The following MIA2 variants were observed in gnomAD, a reference collection of about 807,000 sequenced individuals.
The protein encoded by MIA2 is MIA SH3 domain ER export factor 2.
Under a neutral mutation model 167.8 loss-of-function variants are expected in MIA2, and 127 were observed. The ratio of observed to expected loss-of-function variants is 0.76; its 90% CI spans 0.66 to 0.88. The LOEUF is 0.88. Ranked by LOEUF, MIA2 falls within the 40% of genes least tolerant of loss-of-function variation. MIA2 has a pLI of 0.00. For synonymous variants in MIA2, 552 were observed against 541.9 expected, an observed-to-expected ratio of 1.02 and a Z score of -0.26; for missense variants, 1,690 against 1,624.7, an observed-to-expected ratio of 1.04 and a Z score of -0.69.
At chr14:39,275,898 G>A (rs1398190508) in intron 6 of MIA2, among the ~76,000 whole-genome samples, 2 of 152,164 alleles carry the variant, frequency 1.3e-5, no homozygotes, top group Admixed American at 1.3e-4. Context: ...ATGAAGTATA[G>A]ATAGTACCTT....
Position 39,350,517 on chromosome 14 carries a change from T to C in MIA2, c.*253T>C. 1 of 343,620 alleles carries C rather than the reference T, an allele frequency of 2.9e-6. No homozygotes were observed. Among genetic ancestry groups the C allele is most frequent in the Non-Finnish European group, 5.2e-6 (1 of 191,284 alleles). The allele number at this position is 343,620 out of a possible 1,614,324, so 21.3% of individuals were successfully genotyped here. On this transcript the variant is annotated 3_prime_UTR_variant, in exon 29 of 29. Transcript: ENST00000640607. ...TATATAAACAATAGTGGGAGTTTTA[T>C]ATATGTAATCTTTCAGGTGGGGAGG...
intron 23 of MIA2, among the ~76,000 whole-genome samples, chr14:39,358,962 A>T (rs1192231354): frequency 6.6e-6 from 1 of 152,098 alleles, no homozygotes; most frequent in Non-Finnish European, 1.5e-5. Context: ...GTCTGCCCCT[A>T]CTGGGGGATG....
downstream of MIA2, among the ~76,000 whole-genome samples, chr14:39,353,326 C>T (rs546836814): frequency 6.6e-6 from 1 of 152,196 alleles, no homozygotes; most frequent in African/African-American, 2.4e-5. Context: ...TAACCAACCT[C>T]TCTTCATGTT....
In MIA2 at chr14:39,265,862, C is replaced by A. The variant is rs113056324; in HGVS notation, c.1888-11072C>A. On this transcript the variant is annotated intron_variant, in intron 6 of 28. Transcript: ENST00000640607. ...TAATTTTAATACACAGTGTCTAACA[C>A]GTATGAAAGTTGTGTAATACCTTAT... 14 of 396,402 alleles carry A rather than the reference C, an allele frequency of 3.5e-5. 2 individuals are homozygous for A. The highest frequency in any genetic ancestry group is 2.6e-4 in the African/African-American group (12 of 45,908). 24.6% of individuals were successfully genotyped at this position (396,402 alleles called of 1,614,324 possible). A position where few individuals can be genotyped will look rare whatever the true frequency, so the allele number is the denominator to read the frequency against.
chr14:39,349,396 T>TG (rs1252153273), intron 28 of MIA2, among the ~76,000 whole-genome samples: 1 of 152,212 alleles, frequency 6.6e-6, no homozygotes, highest in Non-Finnish European at 1.5e-5. Flanking sequence ...GCAGTCCTAC[T>TG]TATTTAAAAC....
chr14:39,360,407 G>A (rs7148572), intron 23 of MIA2, among the ~76,000 whole-genome samples: 28,278 of 151,502 alleles, frequency 0.19, 2,667 homozygotes, highest in Middle Eastern at 0.28. Context: ...TTGGCCATTT[G>A]TATGTCTTTG....
At chr14:39,288,461 A>ATTTTT (rs1225086664) in intron 9 of MIA2, among the ~76,000 whole-genome samples, 2 of 19,890 alleles carry the variant, frequency 1.0e-4, no homozygotes, top group African/African-American at 1.3e-4. Context: ...ATATATATAT[A>ATTTTT]TATATATATA....
intron 13 of MIA2, among the ~76,000 whole-genome samples, chr14:39,298,443 A>ATATATATATATATATATATGTATGT (rs1372100362): frequency 1.0e-4 from 5 of 50,022 alleles, no homozygotes; most frequent in Admixed American, 2.2e-4. Flanking sequence ...ATATATATAT[A>ATATATATATATATATATATGTATGT]AAGATTAGTT....
chr14:39,364,739 G>A (rs1567052415), intron 23 of MIA2, among the ~76,000 whole-genome samples: 1 of 151,240 alleles, frequency 6.6e-6, no homozygotes, highest in African/African-American at 2.4e-5. Flanking sequence ...TTTTTGTTTT[G>A]TTTTGTTTTG....
At chr14:39,322,310 A>T (rs1013559533) in intron 24 of MIA2, among the ~76,000 whole-genome samples, 1 of 151,998 alleles carries the variant, frequency 6.6e-6, no homozygotes, top group African/African-American at 2.4e-5. Context: ...TGGGAGGCCG[A>T]CGGGGGCAGA....
intron 6 of MIA2, chr14:39,266,362 G>C (rs2055631518): frequency 1.0e-6 from 1 of 985,238 alleles, no homozygotes; most frequent in Non-Finnish European, 1.2e-6. Context: ...TAAAAATAGA[G>C]TCCTAAATTT....
At chr14:39,285,299 A>G (rs2059465265) in intron 9 of MIA2, among the ~76,000 whole-genome samples, 1 of 151,954 alleles carries the variant, frequency 6.6e-6, no homozygotes, top group Non-Finnish European at 1.5e-5. Context: ...GCTGGGCAGA[A>G]GGGCTCCTCA....
At position 39,234,017 on chromosome 14, in the gene MIA2, A is replaced by C; in HGVS notation, c.-98A>C. On this transcript the variant is annotated 5_prime_UTR_variant, in exon 1 of 29. Transcript: ENST00000640607. ...CTTCAACCCTTTTTCTCTTATAGTT[A>C]GTGAAGAGAGTAGAATATCTCCAGT... is the stretch of plus-strand genomic sequence containing the variant. 1 of 620,430 alleles carries C rather than the reference A, an allele frequency of 1.6e-6. No homozygotes were observed. Among genetic ancestry groups the C allele is most frequent in the Non-Finnish European group, 2.8e-6 (1 of 358,924 alleles). 38.4% of individuals were successfully genotyped at this position (620,430 alleles called of 1,614,324 possible).
chr14:39,298,415 A>ATATATG (rs1309159348), intron 13 of MIA2, among the ~76,000 whole-genome samples: 1 of 18,418 alleles, frequency 5.4e-5, no homozygotes, highest in African/African-American at 3.7e-4. Context: ...ATTCTGTTTT[A>ATATATG]TATATATATA....
At chr14:39,365,657 ATCTATC>A (rs2074805750) in intron 23 of MIA2, among the ~76,000 whole-genome samples, 1 of 27,418 alleles carries the variant, frequency 3.6e-5, no homozygotes, top group South Asian at 7.7e-4. Context: ...ATACCTATCT[ATCTATC>A]TATCTATCTA....
intron 6 of MIA2, chr14:39,267,128 TC>T: frequency 8.7e-7 from 1 of 1,149,204 alleles, no homozygotes; most frequent in Non-Finnish European, 1.1e-6. Context: ...TGTCCGCGCC[TC>T]CCCGCCTTCT....
At chr14:39,377,224 T>C (rs1211536340) in intron 23 of MIA2, among the ~76,000 whole-genome samples, 2 of 129,478 alleles carry the variant, frequency 1.5e-5, no homozygotes, top group Non-Finnish European at 3.3e-5. Flanking sequence ...AAAGAGAACA[T>C]AGGGGGAGGA....
At chr14:39,313,566 C>CA in intron 19 of MIA2, 125 bp downstream of exon 19, 1 of 519,756 alleles carries the variant, frequency 1.9e-6, no homozygotes, top group South Asian at 2.8e-5. Context: ...GTGGTACAGA[C>CA]AAAAAAATAA....
At chr14:39,370,568 A>C (rs541552766) in intron 23 of MIA2, 1 of 377,090 alleles carries the variant, frequency 2.7e-6, no homozygotes, top group South Asian at 2.3e-5. Context: ...GTGTTGCTGA[A>C]GCCGCATTGG....
Sources: allele counts gnomAD v4.1 joint callset (sites outside exome capture counted in the v4.1 genomes callset), GRCh38; gene constraint gnomAD v4.1.1; transcripts MANE v1.5; gene names NCBI Gene and HGNC (gene_info 2026-07-23, HGNC 2026-07-21).